FREM1: variants seen among roughly 807,000 people sequenced by gnomAD.
The protein encoded by FREM1 is FRAS1 related extracellular matrix 1, also known as FRAS1-related extracellular matrix protein 1.
FREM1 carries 220 observed loss-of-function variants against 210.1 expected under a neutral mutation model. The observed-to-expected ratio is 1.05, with a 90% CI of 0.94 to 1.17. The LOEUF (loss-of-function observed/expected upper bound fraction) is 1.17, where lower values mean the gene tolerates loss of function less well. Among genes scored for constraint, FREM1 ranks in the 50% most tolerant of loss-of-function variants. The pLI is 0.00. For missense variants in FREM1, 3,454 were observed against 2,675.5 expected (o/e 1.29, Z -6.42); for synonymous variants, 1,189 against 980.2 (o/e 1.21, Z -3.98).
intron 29 of FREM1, 73 bp downstream of exon 29, chr9:14,756,301 C>A (rs1243443959): frequency 9.2e-7 from 1 of 1,081,808 alleles, no homozygotes; most frequent in Non-Finnish European, 1.4e-6. Context: ...ATCTTCTCTA[C>A]AATCTCCAGA....
chr9:14,820,651 C>A (rs900368606), intron 13 of FREM1, among the ~76,000 whole-genome samples: 1 of 152,192 alleles, frequency 6.6e-6, no homozygotes, highest in African/African-American at 2.4e-5. Context: ...AAGGGCAGCC[C>A]CTTGCATCAT....
chr9:14,845,474 T>G (rs1474250028), intron 8 of FREM1, among the ~76,000 whole-genome samples: 1 of 152,088 alleles, frequency 6.6e-6, no homozygotes, highest in Non-Finnish European at 1.5e-5. Flanking sequence ...CCGGCTAATT[T>G]TTGTATTTTC....
intron 1 of FREM1, among the ~76,000 whole-genome samples, chr9:14,874,819 C>T (rs2131992316): frequency 6.6e-6 from 1 of 152,242 alleles, no homozygotes; most frequent in East Asian, 1.9e-4. Context: ...TTGTTCCTTT[C>T]CATATTTAGT....
In FREM1 at chr9:14,841,532, C is replaced by A. The variant is rs61747865; in HGVS notation, c.1796G>T (p.Arg599Leu). The A allele has an allele frequency of 6.2e-7, 1 of 1,611,668 alleles. No individual in the cohort carries two copies. Reference sequence around the variant, plus strand: ...TTCAAAGATTTCTCCACCAAAATGACGATAATAAATGATTCCATTAAACAA... The same window carrying A: ...TTCAAAGATTTCTCCACCAAAATGAAGATAATAAATGATTCCATTAAACAA... ...RDLFNGIIYY[R>L]HFGGEIFEDS... Residue 599 changes from arginine to leucine, a missense_variant, in exon 10 of 37, where the codon CGT (arginine) becomes CTT (leucine). By Grantham distance (102) the Arg-to-Leu change is moderately radical. Transcript: ENST00000380880.
In FREM1 at chr9:14,882,441, T is replaced by A. The variant is rs529007661; in HGVS notation, c.-267-13197A>T. ...ATATCTGGATTCTAATCCCGATTAT[T>A]ATTTTTTTAATTTTCTTCTTATCTT... is the stretch of plus-strand genomic sequence containing the variant. On this transcript the variant is annotated intron_variant, in intron 1 of 36. Transcript: ENST00000380880. 2.0e-5 allele frequency among the ~76,000 whole-genome samples: 3 copies of A among 151,154 alleles called. No individual in the cohort carries two copies. In the South Asian group the frequency reaches 6.3e-4, roughly 32 times the overall value.
intron 17 of FREM1, 115 bp from the exon 18 acceptor site, chr9:14,806,961 A>G (rs1362416698): frequency 1.8e-5 from 10 of 547,902 alleles, no homozygotes; most frequent in Non-Finnish European, 3.1e-5. Flanking sequence ...ACGTGCAAAA[A>G]CATTTCCATG....
intron 30 of FREM1, 30 bp from the exon 31 acceptor site, chr9:14,748,669 G>C (rs760982863): frequency 7.0e-7 from 1 of 1,437,868 alleles, no homozygotes; most frequent in South Asian, 1.2e-5. Context: ...CAGGCGGTCA[G>C]TTCATTTTAC....
At chr9:14,797,460 T>C (rs552767534) in intron 21 of FREM1, 38 bp downstream of exon 21, 1 of 1,547,964 alleles carries the variant, frequency 6.5e-7, no homozygotes, top group Non-Finnish European at 8.8e-7. Context: ...CATAGAATTG[T>C]ATAGAAATCT....
rs759603714 is a variant in FREM1, at chr9:14,859,306, C to A, written c.508G>T (p.Glu170Ter). The A allele has an allele frequency of 3.1e-6, 5 of 1,613,868 alleles. No individual in the cohort carries two copies. Among genetic ancestry groups the A allele is most frequent in the Non-Finnish European group, 4.2e-6 (5 of 1,179,876 alleles). Residue 170 changes from glutamate to a stop codon, truncating the protein, a stop_gained, in exon 4 of 37, where the codon GAA (glutamate) becomes TAA (stop). Coordinates refer to ENST00000380880, the MANE Select transcript of FREM1 (RefSeq NM_001379081.2). LOFTEE classifies it high-confidence loss of function. ...RFDYDRMASL[E>*]CTVSLDTART... ...GCAGTGTCCAGGCTGACGGTACATTCCAGGCTAGCCATCCTATCATAATCG... is the reference window on the plus strand; with the variant it reads ...GCAGTGTCCAGGCTGACGGTACATTACAGGCTAGCCATCCTATCATAATCG...
chr9:14,759,706 T>A, intron 28 of FREM1, 66 bp downstream of exon 28: 1 of 1,378,932 alleles, frequency 7.3e-7, no homozygotes. Flanking sequence ...CTAAAAAAAA[T>A]ATAATGAAAG....
chr9:14,792,206 T>C (rs1158766078), intron 22 of FREM1, among the ~76,000 whole-genome samples: 1 of 150,764 alleles, frequency 6.6e-6, no homozygotes, highest in Admixed American at 6.6e-5. Flanking sequence ...GAAAAAATAA[T>C]GAAAGTTTTC....
chr9:14,770,334 T>C (rs67418339), intron 26 of FREM1, among the ~76,000 whole-genome samples: 17,489 of 152,222 alleles, frequency 0.11, 1,089 homozygotes, highest in South Asian at 0.15. Flanking sequence ...CCTGATATTA[T>C]GTTCCTTTGA....
intron 23 of FREM1, among the ~76,000 whole-genome samples, chr9:14,786,868 G>A (rs1315659031): frequency 6.6e-6 from 1 of 152,162 alleles, no homozygotes; most frequent in Non-Finnish European, 1.5e-5. Context: ...GAAGTAAGAA[G>A]AATGAATTAG....
rs1345131654 is a variant in FREM1 at position 14,837,340 on chromosome 9, C to A, written c.1881+4107G>T. 2.0e-5 allele frequency among the ~76,000 whole-genome samples: 3 copies of A among 152,248 alleles called. No individual in the cohort carries two copies. In the East Asian group the frequency reaches 5.8e-4, roughly 29 times the overall value. On this transcript the variant is annotated intron_variant, in intron 10 of 36. Coordinates refer to ENST00000380880, the MANE Select transcript of FREM1 (RefSeq NM_001379081.2). ...GGGACCTCCTCTTTCAGCTTTAGAG[C>A]CCCATTCCCACCTCTGTCTCTGTAC...
intron 7 of FREM1, among the ~76,000 whole-genome samples, chr9:14,846,306 C>T (rs1826602881): frequency 6.6e-6 from 1 of 152,046 alleles, no homozygotes; most frequent in Non-Finnish European, 1.5e-5. Context: ...GGGAGCTGAA[C>T]AATGAGAACA....
intron 27 of FREM1, among the ~76,000 whole-genome samples, chr9:14,765,100 A>G (rs1846154157): frequency 6.6e-6 from 1 of 152,232 alleles, no homozygotes; most frequent in Non-Finnish European, 1.5e-5. Context: ...CCTTATAACT[A>G]TATCTTCATT....
rs1817327435 is a variant in FREM1, at chr9:14,801,736, C to T, written c.3610G>A (p.Asp1204Asn). ...GLLIDRGFSK[D>N]FSENKQPANP... Reference sequence around the variant, plus strand: ...GCTGGCTGCTTATTCTCAGAGAAGTCTTTGCTAAACCCCCTATCGATGAGG... The same window carrying T: ...GCTGGCTGCTTATTCTCAGAGAAGTTTTTGCTAAACCCCCTATCGATGAGG... The change falls in exon 20 of 37, where the codon GAC (aspartate) becomes AAC (asparagine). Residue 1204 changes from aspartate (D) to asparagine (N), a missense_variant. Asp to Asn is a conservative substitution (Grantham distance 23). Coordinates refer to ENST00000380880, the MANE Select transcript of FREM1 (RefSeq NM_001379081.2). The T allele has an allele frequency of 6.2e-7, 1 of 1,613,826 alleles. No homozygotes were observed. Among genetic ancestry groups the T allele is most frequent in the Non-Finnish European group, 8.5e-7 (1 of 1,179,874 alleles).
chr9:14,828,641 GGC>G (rs756429344), intron 10 of FREM1, among the ~76,000 whole-genome samples: 28,877 of 124,796 alleles, frequency 0.23, 5,250 homozygotes, highest in Non-Finnish European at 0.31. Context: ...ATTGTGGCGG[GGC>G]GGGGGAGGTG....
chr9:14,852,438 AG>A (rs1827948366), intron 5 of FREM1, among the ~76,000 whole-genome samples: 1 of 152,202 alleles, frequency 6.6e-6, no homozygotes, highest in Non-Finnish European at 1.5e-5. Flanking sequence ...CTGCAATCCC[AG>A]CACTCTGGGA....
Sources: allele counts gnomAD v4.1 joint callset (sites outside exome capture counted in the v4.1 genomes callset), GRCh38; gene constraint gnomAD v4.1.1; transcripts MANE v1.5; gene names NCBI Gene and HGNC (gene_info 2026-07-23, HGNC 2026-07-21).